Variants in CACNA1C observed in about 807,000 individuals in gnomAD.
CACNA1C encodes voltage-dependent L-type calcium channel subunit alpha-1C.
A neutral mutation model predicts 229.0 loss-of-function variants in CACNA1C; 30 were observed. The observed-to-expected ratio is 0.13, with a 90% CI of 0.10 to 0.18. The LOEUF (loss-of-function observed/expected upper bound fraction) is 0.18. Among genes scored for constraint, CACNA1C ranks in the 10% least tolerant of loss-of-function variants. The pLI, the probability that CACNA1C is intolerant of heterozygous loss-of-function variation, is 1.00. For missense variants in CACNA1C, 1,658 were observed against 2,845.0 expected (o/e 0.58, Z 9.49); for synonymous variants, 1,114 against 1,132.5 (o/e 0.98, Z 0.33).
Position 2,165,978 on chromosome 12 carries a change from A to T in CACNA1C, c.477+45548A>T, listed in dbSNP as rs1214392568. On this transcript the variant is annotated intron_variant, in intron 3 of 46. Transcript: ENST00000399655. ...CAGAGAGCAAAAAGAAATAATGGAA[A>T]TGGCATACGTGCAGAGGGCACGTAG... 3.9e-5 allele frequency among the ~76,000 whole-genome samples: 6 copies of T among 152,372 alleles called. No homozygotes were observed. In the East Asian group the frequency reaches 9.6e-4, roughly 24 times the overall value.
At chr12:2,345,300 C>A (rs1425051272) in intron 3 of CACNA1C, among the ~76,000 whole-genome samples, 1 of 151,806 alleles carries the variant, frequency 6.6e-6, no homozygotes, top group Non-Finnish European at 1.5e-5. Flanking sequence ...ACAGGCAGCT[C>A]CCCCTGTACG....
intron 5 of CACNA1C, among the ~76,000 whole-genome samples, chr12:2,462,043 T>A (rs1036126012): frequency 2.0e-5 from 3 of 152,122 alleles, no homozygotes; most frequent in African/African-American, 4.8e-5. Flanking sequence ...CCCTGCGATC[T>A]CACGCCTCCT....
chr12:2,404,248 A>G (rs2098710768), intron 3 of CACNA1C, among the ~76,000 whole-genome samples: 1 of 152,162 alleles, frequency 6.6e-6, no homozygotes, highest in Non-Finnish European at 1.5e-5. Context: ...CATGCTCCTC[A>G]GGAATGAGCC....
At chr12:2,474,303 A>G (rs2099609520) in intron 5 of CACNA1C, among the ~76,000 whole-genome samples, 1 of 152,192 alleles carries the variant, frequency 6.6e-6, no homozygotes, top group African/African-American at 2.4e-5. Context: ...ACTTCACTCC[A>G]AGAGGCTCTG....
intron 3 of CACNA1C, among the ~76,000 whole-genome samples, chr12:2,405,389 C>T (rs929136433): frequency 6.6e-6 from 1 of 152,170 alleles, no homozygotes; most frequent in Non-Finnish European, 1.5e-5. Flanking sequence ...AGATCTTCCC[C>T]GTGTGCACAT....
intron 1 of CACNA1C, among the ~76,000 whole-genome samples, chr12:2,111,511 T>G (rs2081729398): frequency 6.9e-6 from 1 of 144,032 alleles, no homozygotes; most frequent in South Asian, 2.4e-4. Flanking sequence ...ATGGGGGGAT[T>G]AAGGGCAATG....
intron 3 of CACNA1C, among the ~76,000 whole-genome samples, chr12:2,398,943 C>T (rs1471862522): frequency 6.6e-6 from 1 of 152,148 alleles, no homozygotes; most frequent in East Asian, 1.9e-4. Flanking sequence ...CCCTCAGTGC[C>T]CTGGCAACTG....
chr12:2,456,558 C>T (rs35917745), intron 4 of CACNA1C, among the ~76,000 whole-genome samples: 8,251 of 152,308 alleles, frequency 0.054, 327 homozygotes, highest in Admixed American at 0.09. Context: ...GTTCCTCTAA[C>T]GCACACCCTG....
intron 3 of CACNA1C, among the ~76,000 whole-genome samples, chr12:2,289,109 T>C (rs2093133278): frequency 6.6e-6 from 1 of 152,024 alleles, no homozygotes; most frequent in Non-Finnish European, 1.5e-5. Context: ...TGCCCTCAGG[T>C]GGTTAGCAGA....
rs555815900 is a variant in CACNA1C, at chr12:2,647,278, C to T, written c.3913-1197C>T. Among the ~76,000 whole-genome samples, 2 of 152,306 alleles carry T rather than the reference C, an allele frequency of 1.3e-5. No homozygotes were observed. The highest frequency in any genetic ancestry group is 2.9e-5 in the Non-Finnish European group (2 of 68,022). ...AGCAGCTCAGATGGTCAAGATCAGT[C>T]GGGGCTGAGCCCTCTGTGCTGGAGC... On this transcript the variant is annotated intron_variant, in intron 30 of 46. Transcript: ENST00000399655. This position sits in a 1 kb window ranked among gnomAD's most constrained non-coding sequence, Gnocchi z 4.2.
intron 3 of CACNA1C, among the ~76,000 whole-genome samples, chr12:2,361,038 T>A (rs1227465382): frequency 6.6e-6 from 1 of 152,118 alleles, no homozygotes; most frequent in Admixed American, 6.5e-5. Flanking sequence ...GTCTTGTGTA[T>A]GTTTTAAATG....
intron 1 of CACNA1C, among the ~76,000 whole-genome samples, chr12:2,058,241 G>A (rs1200349298): frequency 2.0e-5 from 3 of 152,122 alleles, no homozygotes; most frequent in Non-Finnish European, 2.9e-5. Context: ...AATTCCTCCC[G>A]CCTGATACAG....
At chr12:2,659,941 A>G (rs1037962672) in intron 34 of CACNA1C, 33 of 192,970 alleles carry the variant, frequency 1.7e-4, no homozygotes, top group African/African-American at 7.3e-4. Flanking sequence ...TTCAAGATGA[A>G]GCAGAAAGTC....
chr12:2,675,583 C>CT (rs1208554934), intron 39 of CACNA1C, among the ~76,000 whole-genome samples: 1 of 152,182 alleles, frequency 6.6e-6, no homozygotes, highest in African/African-American at 2.4e-5. Context: ...TTCCAAAATG[C>CT]GAACCTCTCT....
intron 9 of CACNA1C, among the ~76,000 whole-genome samples, chr12:2,547,966 G>C (rs1229072176): frequency 1.3e-5 from 2 of 152,134 alleles, no homozygotes; most frequent in African/African-American, 2.4e-5. Flanking sequence ...CACACATAAG[G>C]CTCTGGGAAC....
intron 9 of CACNA1C, among the ~76,000 whole-genome samples, chr12:2,514,088 G>A (rs984158689): frequency 1.7e-4 from 26 of 152,264 alleles, no homozygotes; most frequent in Middle Eastern, 3.4e-3. Flanking sequence ...AGTACTCCAC[G>A]AAGCAAACAG....
At chr12:2,009,546 G>A (rs1051908746) in intron 1 of CACNA1C, among the ~76,000 whole-genome samples, 22 of 152,308 alleles carry the variant, frequency 1.4e-4, no homozygotes, top group African/African-American at 5.1e-4. Context: ...ATGTTAGAAT[G>A]GAGAGGAAGA....
chr12:2,669,934 A>T (rs919980578), intron 38 of CACNA1C, among the ~76,000 whole-genome samples: 17 of 152,226 alleles, frequency 1.1e-4, no homozygotes, highest in Non-Finnish European at 1.2e-4. Context: ...TTTGCGAACC[A>T]CTATGGGAAA....
At chr12:2,511,399 C>G (rs1418230855) in intron 8 of CACNA1C, among the ~76,000 whole-genome samples, 1 of 152,210 alleles carries the variant, frequency 6.6e-6, no homozygotes, top group Middle Eastern at 3.2e-3. Flanking sequence ...GCCCTTTGCC[C>G]TCTTATGGTT....
Sources: allele counts gnomAD v4.1 joint callset (sites outside exome capture counted in the v4.1 genomes callset), GRCh38; gene constraint gnomAD v4.1.1; non-coding constraint Gnocchi (gnomAD v3.1); transcripts MANE v1.5; gene names NCBI Gene and HGNC (gene_info 2026-07-23, HGNC 2026-07-21).